Variants in NBAS observed in about 807,000 individuals in gnomAD.
NBAS encodes NAG/BC035112 fusion.
Under a neutral mutation model 302.5 loss-of-function variants are expected in NBAS, and 219 were observed. That is an observed-to-expected ratio of 0.72 (90% CI 0.65 to 0.81). The LOEUF (loss-of-function observed/expected upper bound fraction) is 0.81. NBAS is among the 30% of genes least tolerant of loss of function. The probability of loss-of-function intolerance (pLI) is 0.00; values close to 1 mark genes in which losing one functional copy is unlikely to be tolerated. For missense variants in NBAS, 2,932 were observed against 2,841.6 expected (o/e 1.03, Z -0.72); for synonymous variants, 1,118 against 1,021.6 (o/e 1.09, Z -1.80).
the NBAS span, among the ~76,000 whole-genome samples, chr2:15,056,571 TGGGAAA>T: frequency 6.6e-6 from 1 of 152,302 alleles, no homozygotes; most frequent in African/African-American, 2.4e-5. Flanking sequence ...GTATTTTACC[TGGGAAA>T]ATGCTATGCA....
intron 13 of NBAS, 88 bp downstream of exon 13, chr2:15,478,138 C>T: frequency 1.0e-6 from 1 of 957,306 alleles, no homozygotes; most frequent in Non-Finnish European, 1.6e-6. Flanking sequence ...GCAAAAGTAT[C>T]TAGAGACTTT....
chr2:14,845,285 G>A, the NBAS span, among the ~76,000 whole-genome samples: 5 of 152,154 alleles, frequency 3.3e-5, no homozygotes, highest in South Asian at 2.1e-4. Context: ...GAATTCTTCT[G>A]CATCTTATCC....
chr2:15,287,022 G>A (rs1362239847), intron 42 of NBAS, 51 bp downstream of exon 42: 2 of 1,408,162 alleles, frequency 1.4e-6, no homozygotes, highest in Non-Finnish European at 2.0e-6. Context: ...TTCAAAAATA[G>A]ACTCTAAAGA....
chr2:14,998,938 T>C, the NBAS span, among the ~76,000 whole-genome samples: 1 of 152,126 alleles, frequency 6.6e-6, no homozygotes, highest in African/African-American at 2.4e-5. Flanking sequence ...CTGGCAATCA[T>C]CGAATTAGTC....
chr2:15,122,337 C>T, the NBAS span, among the ~76,000 whole-genome samples: 4 of 152,206 alleles, frequency 2.6e-5, no homozygotes, highest in South Asian at 6.2e-4. Context: ...GGAACTTCCA[C>T]TCATGGTAGA....
At position 15,309,710 on chromosome 2, in the gene NBAS, T is replaced by C. The variant is rs947155991; in HGVS notation, c.4583-463A>G. ...TACAATGATGATAATATGATTTTGT[T>C]CCTTCCAATAACACCCCTCCTCATC... On this transcript the variant is annotated intron_variant, in intron 38 of 51. Coordinates refer to ENST00000281513, the MANE Select transcript of NBAS (RefSeq NM_015909.4). 2.6e-5 allele frequency among the ~76,000 whole-genome samples: 4 copies of C among 152,308 alleles called. No homozygotes were observed. The East Asian group carries it at 5.8e-4, about 22-fold the overall frequency.
At chr2:15,246,780 G>C (rs897228435) in intron 44 of NBAS, among the ~76,000 whole-genome samples, 1 of 152,220 alleles carries the variant, frequency 6.6e-6, no homozygotes, top group East Asian at 1.9e-4. Flanking sequence ...TCCACTGAGT[G>C]CACACCGTGC....
intron 48 of NBAS, among the ~76,000 whole-genome samples, chr2:15,203,890 T>TTGTGTGTGTG (rs143962413): frequency 0.024 from 3,107 of 129,454 alleles, 35 homozygotes; most frequent in Middle Eastern, 0.032. Flanking sequence ...GTGTGTGTGC[T>TTGTGTGTGTG]TGTGTGTGTG....
the NBAS span, among the ~76,000 whole-genome samples, chr2:15,009,226 T>A: frequency 1.3e-5 from 2 of 152,154 alleles, no homozygotes; most frequent in Non-Finnish European, 2.9e-5. Context: ...TTAACCAGTC[T>A]CCAGCAATCC....
the NBAS span, among the ~76,000 whole-genome samples, chr2:14,992,279 G>A: frequency 1.3e-5 from 2 of 152,144 alleles, no homozygotes; most frequent in African/African-American, 4.8e-5. Context: ...GTAGCTAAAG[G>A]AAGTCTTCAA....
intron 44 of NBAS, among the ~76,000 whole-genome samples, chr2:15,267,930 A>C (rs1277070416): frequency 6.6e-6 from 1 of 152,208 alleles, no homozygotes; most frequent in Non-Finnish European, 1.5e-5. Flanking sequence ...GTACTTTTAT[A>C]AAGTATTATT....
intron 13 of NBAS, among the ~76,000 whole-genome samples, chr2:15,477,276 T>C (rs1680232548): frequency 6.6e-6 from 1 of 152,150 alleles, no homozygotes; most frequent in Non-Finnish European, 1.5e-5. Flanking sequence ...GCATTTTTTT[T>C]TTTGAGACGA....
chr2:15,153,823 G>A, the NBAS span, among the ~76,000 whole-genome samples: 2 of 152,330 alleles, frequency 1.3e-5, no homozygotes, highest in Non-Finnish European at 2.9e-5. Context: ...TTATAGGGAG[G>A]TTGTGAGTTA....
the NBAS span, among the ~76,000 whole-genome samples, chr2:15,123,147 T>C: frequency 1.3e-5 from 2 of 152,132 alleles, no homozygotes; most frequent in Non-Finnish European, 2.9e-5. Flanking sequence ...GCATGCTGAG[T>C]CATCCTGGCT....
At chr2:14,962,896 G>T in the NBAS span, among the ~76,000 whole-genome samples, 1 of 151,894 alleles carries the variant, frequency 6.6e-6, no homozygotes, top group South Asian at 2.1e-4. Context: ...TGGCATCAGG[G>T]CTGGCAAACG....
chr2:15,340,932 C>T (rs756884157), intron 35 of NBAS, among the ~76,000 whole-genome samples: 4 of 151,728 alleles, frequency 2.6e-5, no homozygotes, highest in Non-Finnish European at 5.9e-5. Flanking sequence ...AAAATGGTGA[C>T]GAAAGAAGGC....
At chr2:15,075,760 T>TACACACACAC in the NBAS span, among the ~76,000 whole-genome samples, 2,299 of 150,038 alleles carry the variant, frequency 0.015, 101 homozygotes, top group East Asian at 0.1. Flanking sequence ...CCAAAATTTA[T>TACACACACAC]ACACACACAC....
At chr2:14,795,474 C>CATATATAT in the NBAS span, among the ~76,000 whole-genome samples, 2 of 147,754 alleles carry the variant, frequency 1.4e-5, no homozygotes, top group African/African-American at 5.3e-5. Context: ...CAAGATTTTA[C>CATATATAT]ATATATATAT....
chr2:15,430,480 T>C (rs1398861283), intron 21 of NBAS, among the ~76,000 whole-genome samples: 1 of 152,212 alleles, frequency 6.6e-6, no homozygotes, highest in African/African-American at 2.4e-5. Context: ...TCTCCTACTA[T>C]GGACTAGGCC....
Sources: allele counts gnomAD v4.1 joint callset (sites outside exome capture counted in the v4.1 genomes callset), GRCh38; gene constraint gnomAD v4.1.1; transcripts MANE v1.5; gene names NCBI Gene and HGNC (gene_info 2026-07-23, HGNC 2026-07-21).